Variants in SCOC observed in about 807,000 individuals in gnomAD.
SCOC encodes the protein short coiled coil protein.
Under a neutral mutation model 9.9 loss-of-function variants are expected in SCOC, and 7 were observed. The observed-to-expected ratio is 0.71, with a 90% CI of 0.40 to 1.33. The LOEUF (loss-of-function observed/expected upper bound fraction) is 1.33. Ranked by LOEUF, SCOC falls within the 40% of genes most tolerant of loss-of-function variation. The probability of loss-of-function intolerance (pLI) is 0.01; values close to 1 mark genes in which losing one functional copy is unlikely to be tolerated. For synonymous variants in SCOC, 19 were observed against 28.2 expected (o/e 0.67, Z 1.03); for missense variants, 66 against 89.7 (o/e 0.74, Z 1.07).
intron 1 of SCOC, among the ~76,000 whole-genome samples, chr4:140,326,996 A>C (rs1732668495): frequency 6.6e-6 from 1 of 152,192 alleles, no homozygotes; most frequent in Admixed American, 6.5e-5. Flanking sequence ...CACAAACATC[A>C]TTTTCACAGC....
chr4:140,331,999 G>A (rs1394845614), intron 1 of SCOC, among the ~76,000 whole-genome samples: 2 of 113,212 alleles, frequency 1.8e-5, no homozygotes, highest in Admixed American at 1.8e-4. Flanking sequence ...CATCTTACAT[G>A]GCAGGAGCAG....
intron 3 of SCOC, 148 bp from the exon 4 acceptor site, chr4:140,380,814 C>T: frequency 4.0e-6 from 2 of 505,810 alleles, no homozygotes; most frequent in Non-Finnish European, 3.4e-6. Flanking sequence ...AATTTGTACT[C>T]AGTTTGTTTA....
At chr4:140,270,528 G>A (rs1361021062) in intron 1 of SCOC, among the ~76,000 whole-genome samples, 1 of 152,004 alleles carries the variant, frequency 6.6e-6, no homozygotes, top group Non-Finnish European at 1.5e-5. Context: ...TCTAGAGATG[G>A]TCTCACTATG....
chr4:140,381,182 C>T lies in SCOC; in HGVS notation c.*78C>T, dbSNP rs1578891157. 2 of 1,398,278 alleles carry T rather than the reference C, an allele frequency of 1.4e-6. No individual in the cohort carries two copies. The highest frequency in any genetic ancestry group is 9.7e-7 in the Non-Finnish European group (1 of 1,031,534). 86.6% of individuals were successfully genotyped at this position (1,398,278 alleles called of 1,614,324 possible). A position where few individuals can be genotyped will look rare whatever the true frequency, so the allele number is the denominator to read the frequency against. ...AAACTTGGATAGATTCCAAAAGTTACAGTACCTTTGTGGCTTCATTGAATA... is the reference window on the plus strand; with the variant it reads ...AAACTTGGATAGATTCCAAAAGTTATAGTACCTTTGTGGCTTCATTGAATA... On this transcript the variant is annotated 3_prime_UTR_variant, in exon 4 of 4. Transcript: ENST00000608372.
At chr4:140,276,151 C>T (rs562994805) in intron 1 of SCOC, among the ~76,000 whole-genome samples, 5 of 151,964 alleles carry the variant, frequency 3.3e-5, no homozygotes, top group African/African-American at 4.8e-5. Context: ...TACAGGTGCC[C>T]GCCACCACGC....
In SCOC at chr4:140,374,110, G is replaced by A. The variant is rs117716325; in HGVS notation, c.-51+393G>A. 702 of 468,530 alleles carry A rather than the reference G, an allele frequency of 1.5e-3. 18 individuals are homozygous for A. The East Asian group carries it at 0.033, about 22-fold the overall frequency. The allele number at this position is 468,530 out of a possible 1,614,324, so 29.0% of individuals were successfully genotyped here. On this transcript the variant is annotated intron_variant, in intron 1 of 3. Transcript: ENST00000608372. The stretch of plus-strand genomic sequence containing the variant: ...CCTGGCACGCCTGGACCTTCCCGTG[G>A]CTGCTCTGCGAGAGCCTGAGAGATG...
At chr4:140,325,804 A>G (rs1217864731) in intron 1 of SCOC, among the ~76,000 whole-genome samples, 2 of 152,172 alleles carry the variant, frequency 1.3e-5, no homozygotes, top group Non-Finnish European at 2.9e-5. Context: ...TACTTACCAC[A>G]TGATCCAGAA....
chr4:140,258,557 C>T (rs1288652705), intron 1 of SCOC, among the ~76,000 whole-genome samples: 1 of 152,190 alleles, frequency 6.6e-6, no homozygotes, highest in Non-Finnish European at 1.5e-5. Context: ...GAATGCCATG[C>T]CAATCTCTCT....
chr4:140,335,535 G>T (rs574250222), intron 1 of SCOC, among the ~76,000 whole-genome samples: 5 of 152,110 alleles, frequency 3.3e-5, no homozygotes, highest in Admixed American at 3.3e-4. Flanking sequence ...AAATAGTTTC[G>T]CATGAAATTA....
chr4:140,335,126 C>T (rs1469441720), intron 1 of SCOC, among the ~76,000 whole-genome samples: 1 of 152,090 alleles, frequency 6.6e-6, no homozygotes, highest in Non-Finnish European at 1.5e-5. Flanking sequence ...TGATTTTCAT[C>T]TTTAAAATGA....
At chr4:140,263,981 A>G (rs1421384249) in intron 1 of SCOC, among the ~76,000 whole-genome samples, 3 of 152,178 alleles carry the variant, frequency 2.0e-5, no homozygotes, top group East Asian at 3.9e-4. Context: ...TGAAGAGGCA[A>G]ATAAAGCAAG....
intron 1 of SCOC, among the ~76,000 whole-genome samples, chr4:140,310,373 G>T (rs1376916400): frequency 6.6e-6 from 1 of 152,174 alleles, no homozygotes; most frequent in Admixed American, 6.5e-5. Context: ...TTCTTAGGAC[G>T]TTATGGGTGC....
intron 1 of SCOC, chr4:140,343,532 G>T: frequency 1.2e-6 from 1 of 801,286 alleles, no homozygotes; most frequent in South Asian, 1.6e-5. Flanking sequence ...GATAGCACCT[G>T]CTTGGAAGTT....
intron 1 of SCOC, among the ~76,000 whole-genome samples, chr4:140,329,512 C>A (rs1005077014): frequency 6.6e-6 from 1 of 152,152 alleles, no homozygotes; most frequent in Non-Finnish European, 1.5e-5. Context: ...AGTTAACAGA[C>A]AATCCTTAGA....
At chr4:140,338,677 C>T (rs1007548594), upstream of SCOC, among the ~76,000 whole-genome samples, 8 of 152,188 alleles carry the variant, frequency 5.3e-5, no homozygotes, top group Non-Finnish European at 8.8e-5. Flanking sequence ...AGAGCCAAAT[C>T]ATGAGTGAAC....
intron 2 of SCOC, 146 bp downstream of exon 2, chr4:140,379,338 G>A: frequency 1.4e-6 from 1 of 722,354 alleles, no homozygotes; most frequent in Admixed American, 2.4e-5. Context: ...TGTTAGAAAG[G>A]ACCAACCAAA....
chr4:140,375,113 A>G lies in SCOC; in HGVS notation c.-51+1396A>G, dbSNP rs549730442. 2.6e-5 allele frequency among the ~76,000 whole-genome samples: 4 copies of G among 152,272 alleles called. No individual in the cohort carries two copies. In the East Asian group the frequency reaches 7.7e-4, roughly 29 times the overall value. On this transcript the variant is annotated intron_variant, in intron 1 of 3. Transcript: ENST00000608372. ...TAGTTGTGGTGGAATGGTGGAAAAA[A>G]CACTGGGCATTTGTTGTAGTCTTGG...
chr4:140,293,487 A>G, intron 1 of SCOC: 1 of 432,236 alleles, frequency 2.3e-6, no homozygotes, highest in Non-Finnish European at 4.7e-6. Context: ...CCGGTCTGAC[A>G]CCTACTAAGA....
intron 1 of SCOC, among the ~76,000 whole-genome samples, chr4:140,299,682 C>T (rs1334291351): frequency 6.6e-6 from 1 of 151,300 alleles, no homozygotes; most frequent in Non-Finnish European, 1.5e-5. Flanking sequence ...CGTCGTTTGT[C>T]TTTTTATTAT....
Sources: gnomAD v4.1 joint callset for allele counts (sites outside exome capture counted in the v4.1 genomes callset) on GRCh38, gnomAD v4.1.1 for gene constraint, MANE v1.5 for transcripts, NCBI Gene and HGNC (gene_info 2026-07-23, HGNC 2026-07-21) for gene names.